Variants in MTMR8 observed in about 807,000 individuals in gnomAD.
MTMR8 encodes the protein myotubularin related protein 8.
In MTMR8, 65 loss-of-function variants were observed where a neutral mutation model predicts 39.3. That is an observed-to-expected ratio of 1.65 (90% CI 1.35 to 2.03). The LOEUF is 2.03. Among genes scored for constraint, MTMR8 ranks in the 30% most tolerant of loss-of-function variants. MTMR8 has a pLI of 0.00. For synonymous variants in MTMR8, 245 were observed against 185.2 expected (o/e 1.32, Z -2.62); for missense variants, 777 against 538.9 (o/e 1.44, Z -4.37).
chrX:64,339,724 A>G (rs1479165857), intron 8 of MTMR8, among the ~76,000 whole-genome samples: 1 of 111,533 alleles, frequency 9.0e-6, no homozygotes, highest in Non-Finnish European at 1.9e-5. Context: ...AAGTAGGAAG[A>G]GATGGAATTT....
rs898134266 is a variant in MTMR8 at position 64,270,835 on chromosome X, G to T, written c.1608+112C>A. The T allele has an allele frequency of 5.9e-6, 5 of 842,508 alleles. No individual in the cohort carries two copies. In the Admixed American group the frequency reaches 1.1e-4, roughly 19 times the overall value. The allele number at this position is 842,508 out of a possible 1,213,427, so 69.4% of individuals were successfully genotyped here. ...GACACGGGACACATGAAAAGCCAAAGAGTATAAAAAAGCCAGCCAGTCAGC... is the reference window on the plus strand; with the variant it reads ...GACACGGGACACATGAAAAGCCAAATAGTATAAAAAAGCCAGCCAGTCAGC... On this transcript the variant is annotated intron_variant, in intron 13 of 13. Coordinates refer to ENST00000374852, the MANE Select transcript of MTMR8 (RefSeq NM_017677.4).
intron 12 of MTMR8, among the ~76,000 whole-genome samples, chrX:64,297,638 G>A (rs1176883595): frequency 1.6e-4 from 15 of 92,630 alleles, no homozygotes; most frequent in African/African-American, 4.0e-4. Context: ...TTGGTGTTTT[G>A]GACATGAAGT....
intron 12 of MTMR8, among the ~76,000 whole-genome samples, chrX:64,313,553 C>A (rs1922376627): frequency 8.9e-6 from 1 of 112,591 alleles, no homozygotes; most frequent in South Asian, 3.6e-4. Flanking sequence ...GGTGCAAGAG[C>A]CCTAGCTTTT....
intron 1 of MTMR8, among the ~76,000 whole-genome samples, chrX:64,385,252 C>A (rs1924528484): frequency 8.9e-6 from 1 of 111,878 alleles, no homozygotes; most frequent in African/African-American, 3.3e-5. Context: ...CACCTGAGAC[C>A]TCATCAGCCT....
intron 2 of MTMR8, among the ~76,000 whole-genome samples, chrX:64,357,497 T>A (rs1054067379): frequency 9.0e-6 from 1 of 111,453 alleles, no homozygotes; most frequent in African/African-American, 3.3e-5. Flanking sequence ...TAATCATGAC[T>A]CACTGCAGCC....
chrX:64,371,137 G>A (rs1924121292), intron 1 of MTMR8, among the ~76,000 whole-genome samples: 1 of 112,007 alleles, frequency 8.9e-6, no homozygotes, highest in Non-Finnish European at 1.9e-5. Flanking sequence ...AAGTGAGACA[G>A]CAAGTCCCTA....
At chrX:64,332,398 A>G (rs1922966458) in intron 10 of MTMR8, among the ~76,000 whole-genome samples, 1 of 111,791 alleles carries the variant, frequency 8.9e-6, no homozygotes, top group Non-Finnish European at 1.9e-5. Flanking sequence ...CTACCTTCTG[A>G]TATAATTACA....
At chrX:64,297,798 A>G (rs1179648254) in intron 12 of MTMR8, among the ~76,000 whole-genome samples, 1 of 111,329 alleles carries the variant, frequency 9.0e-6, no homozygotes, top group Non-Finnish European at 1.9e-5. Flanking sequence ...CTTTCTACAT[A>G]TGACTAGACA....
At chrX:64,308,495 TA>T (rs2147207902) in intron 12 of MTMR8, among the ~76,000 whole-genome samples, 1 of 110,106 alleles carries the variant, frequency 9.1e-6, no homozygotes, top group South Asian at 3.9e-4. Flanking sequence ...TTTTATGATT[TA>T]TTTTTTAGTT....
chrX:64,344,957 A>T, intron 7 of MTMR8, 88 bp downstream of exon 7: 1 of 1,045,439 alleles, frequency 9.6e-7, no homozygotes, highest in Admixed American at 2.6e-5. Flanking sequence ...GCTTGCTTTT[A>T]TATTCCACCC....
At chrX:64,356,690 A>T (rs1396775777) in intron 2 of MTMR8, among the ~76,000 whole-genome samples, 1 of 111,005 alleles carries the variant, frequency 9.0e-6, no homozygotes, top group Non-Finnish European at 1.9e-5. Flanking sequence ...GAAAACAGGA[A>T]TTTTTTTTCT....
chrX:64,280,862 A>G (rs891961290), intron 12 of MTMR8, among the ~76,000 whole-genome samples: 9 of 111,673 alleles, frequency 8.1e-5, no homozygotes, highest in African/African-American at 2.0e-4. Context: ...TCAGGATACA[A>G]AATCAATGTG....
intron 12 of MTMR8, among the ~76,000 whole-genome samples, chrX:64,285,033 G>A (rs1041380853): frequency 3.0e-4 from 33 of 111,733 alleles, no homozygotes; most frequent in Admixed American, 1.0e-3. Flanking sequence ...CTGGCAAATT[G>A]GATAAAGAGT....
intron 10 of MTMR8, 91 bp from the exon 11 acceptor site, chrX:64,331,848 C>T: frequency 1.2e-6 from 1 of 807,129 alleles, no homozygotes; most frequent in Non-Finnish European, 1.8e-6. Flanking sequence ...CATCTTTTGT[C>T]TCTGTTGGTA....
intron 8 of MTMR8, among the ~76,000 whole-genome samples, chrX:64,338,217 C>T (rs1001433748): frequency 5.4e-5 from 6 of 111,983 alleles, no homozygotes; most frequent in African/African-American, 1.6e-4. Flanking sequence ...TTCATCCACA[C>T]ACCTAGCCAA....
intron 1 of MTMR8, among the ~76,000 whole-genome samples, chrX:64,379,239 C>T (rs1305680847): frequency 1.8e-5 from 2 of 111,931 alleles, no homozygotes; most frequent in Non-Finnish European, 3.8e-5. Context: ...ACCATCTCTT[C>T]AAAATGGAAG....
intron 8 of MTMR8, among the ~76,000 whole-genome samples, chrX:64,337,760 C>A (rs1042392373): frequency 9.0e-6 from 1 of 111,716 alleles, no homozygotes; most frequent in Non-Finnish European, 1.9e-5. Flanking sequence ...ATTCTAGTCC[C>A]AGATCTGACA....
chrX:64,335,472 C>A (rs1373169398), intron 10 of MTMR8, among the ~76,000 whole-genome samples: 4 of 112,046 alleles, frequency 3.6e-5, no homozygotes, highest in Non-Finnish European at 5.6e-5. Flanking sequence ...AGCTTAGTGT[C>A]TGATATAATA....
chrX:64,389,048 G>A (rs1407296026), intron 1 of MTMR8, among the ~76,000 whole-genome samples: 1 of 111,709 alleles, frequency 9.0e-6, no homozygotes, highest in East Asian at 2.8e-4. Context: ...CCAGCTCTGG[G>A]CAAGTTGCTT....
Sources: gnomAD v4.1 joint callset for allele counts (sites outside exome capture counted in the v4.1 genomes callset) on GRCh38, gnomAD v4.1.1 for gene constraint, MANE v1.5 for transcripts, NCBI Gene and HGNC (gene_info 2026-07-23, HGNC 2026-07-21) for gene names.